MTA1: variants seen among roughly 807,000 people sequenced by gnomAD.
MTA1 encodes the protein metastasis associated 1.
MTA1 carries 15 observed loss-of-function variants against 97.0 expected under a neutral mutation model. That is an observed-to-expected ratio of 0.15 (90% CI 0.10 to 0.24). The LOEUF is 0.24. MTA1 is among the 10% of genes least tolerant of loss of function. MTA1 has a pLI of 1.00. For missense variants in MTA1, 709 were observed against 1,015.1 expected (o/e 0.70, Z 4.10); for synonymous variants, 435 against 417.5 (o/e 1.04, Z -0.51).
intron 18 of MTA1, 129 bp downstream of exon 18, chr14:105,466,871 A>T: frequency 2.2e-6 from 2 of 921,292 alleles, no homozygotes; most frequent in South Asian, 3.4e-5. Context: ...GCCAGGCCAC[A>T]GCCCAGTTCC....
rs111628172 is a variant in MTA1, at chr14:105,424,499, CT to C, written c.28+4446del. On this transcript the variant is annotated intron_variant, in intron 1 of 20. Transcript: ENST00000331320. The surrounding 1 kb of genome is among the most constrained non-coding windows in gnomAD (Gnocchi z 4.0). ...TACAGGCGTGAGCCACTGCGTCTGG[CT>C]TTTTTTTTTGTTTTTGAGACAGTCT... is the stretch of plus-strand genomic sequence containing the variant. Among the ~76,000 whole-genome samples the C allele has an allele frequency of 9.5e-5, 14 of 146,914 alleles. No homozygotes were observed. The highest frequency in any genetic ancestry group is 7.5e-5 in the Non-Finnish European group (5 of 66,296).
At position 105,470,139 on chromosome 14, in the gene MTA1, G is replaced by A. The variant is rs781956216; in HGVS notation, c.2072G>A (p.Arg691His). 14 of 1,611,852 alleles carry A rather than the reference G, an allele frequency of 8.7e-6. No homozygotes were observed. The highest frequency in any genetic ancestry group is 2.2e-5 in the South Asian group (2 of 91,058). ...ARRPYKPIAL[R>H]QSQALPPRPP... ...CGGCCCTACAAGCCCATCGCCCTGC[G>A]CCAGAGCCAGGCCCTGCCGCCGCGG... Residue 691 changes from arginine to histidine, a missense_variant, in exon 21 of 21, where the codon CGC (arginine) becomes CAC (histidine). Arg to His is a conservative substitution (Grantham distance 29). This residue lies in a region of MTA1 where 388 missense variants were observed against 421.6 expected (regional missense o/e 0.92). Coordinates refer to ENST00000331320, the MANE Select transcript of MTA1 (RefSeq NM_004689.4).
intron 3 of MTA1, among the ~76,000 whole-genome samples, chr14:105,447,103 C>T (rs1033756567): frequency 1.3e-5 from 2 of 152,206 alleles, no homozygotes; most frequent in South Asian, 2.1e-4. Flanking sequence ...GTCAGCAGCA[C>T]GGCTGGCGGT....
chr14:105,469,741 T>C, intron 19 of MTA1, 100 bp from the exon 20 acceptor site: 1 of 1,439,920 alleles, frequency 6.9e-7, no homozygotes, highest in South Asian at 1.3e-5. Context: ...ACTGGGGTGG[T>C]GGGGGGTTGG....
chr14:105,431,702 T>C (rs1218655356), intron 1 of MTA1, among the ~76,000 whole-genome samples: 2 of 152,136 alleles, frequency 1.3e-5, no homozygotes, highest in Non-Finnish European at 2.9e-5. Flanking sequence ...CTCGGCTCAC[T>C]ACAACCTCTG....
At chr14:105,450,420 T>C in intron 6 of MTA1, 96 bp downstream of exon 6, 20 of 1,330,420 alleles carry the variant, frequency 1.5e-5, no homozygotes, top group Non-Finnish European at 1.7e-5. Context: ...GAGACGATTT[T>C]CCCTCCTCCC....
In MTA1 at chr14:105,424,757, A is replaced by T. The variant is rs1436338134; in HGVS notation, c.28+4694A>T. 6.6e-6 allele frequency among the ~76,000 whole-genome samples: 1 copy of T among 152,148 alleles called. No homozygotes were observed. The highest frequency in any genetic ancestry group is 2.4e-5 in the African/African-American group (1 of 41,438). On this transcript the variant is annotated intron_variant, in intron 1 of 20. Coordinates refer to ENST00000331320, the MANE Select transcript of MTA1 (RefSeq NM_004689.4). The surrounding 1 kb of genome is among the most constrained non-coding windows in gnomAD (Gnocchi z 4.0). ...GTGATCCACCCGCCTCGGCCTCCCA[A>T]AGTGCTGGGATTACAGGCGTGAGCC...
At chr14:105,465,408 G>A (rs1042656798) in intron 16 of MTA1, 10 of 385,398 alleles carry the variant, frequency 2.6e-5, no homozygotes, top group Admixed American at 8.4e-5. Context: ...GGCCCAGTGC[G>A]GAGTAGCGGC....
At chr14:105,446,751 G>T (rs587743174) in intron 3 of MTA1, among the ~76,000 whole-genome samples, 1 of 152,362 alleles carries the variant, frequency 6.6e-6, no homozygotes, top group Non-Finnish European at 1.5e-5. Flanking sequence ...GACGTGAGCT[G>T]CCCTGGGTCA....
intron 1 of MTA1, among the ~76,000 whole-genome samples, chr14:105,431,560 A>G (rs1025270343): frequency 4.6e-5 from 7 of 152,260 alleles, no homozygotes; most frequent in African/African-American, 1.7e-4. Context: ...CAAAGTGCCA[A>G]AAGCCTATAG....
At chr14:105,446,148 C>G (rs2082711217) in intron 3 of MTA1, among the ~76,000 whole-genome samples, 1 of 152,174 alleles carries the variant, frequency 6.6e-6, no homozygotes, top group Non-Finnish European at 1.5e-5. Context: ...ACTTCAGAGC[C>G]AGGAGCCAGA....
intron 16 of MTA1, 186 bp downstream of exon 16, chr14:105,465,369 G>GCTGCTCC (rs2083529759): frequency 2.3e-6 from 1 of 432,528 alleles, no homozygotes; most frequent in African/African-American, 2.0e-5. Context: ...TGGGACCCAG[G>GCTGCTCC]CTGCTCCCTG....
At chr14:105,426,779 G>A (rs968329063) in intron 1 of MTA1, among the ~76,000 whole-genome samples, 55 of 152,348 alleles carry the variant, frequency 3.6e-4, no homozygotes, top group African/African-American at 1.3e-3. Flanking sequence ...GGCCGGGCGC[G>A]AGGCTTGCAG....
chr14:105,449,540 T>C, intron 4 of MTA1, 131 bp downstream of exon 4: 1 of 988,334 alleles, frequency 1.0e-6, no homozygotes, highest in Non-Finnish European at 1.5e-6. Flanking sequence ...CCGGCCCGGC[T>C]GAGGAGGGGC....
In MTA1 at chr14:105,450,045, C is replaced by T. The variant is rs782465930; in HGVS notation, c.242-13C>T. On this transcript the variant is annotated splice_polypyrimidine_tract_variant and intron_variant, in intron 4 of 20. Coordinates refer to ENST00000331320, the MANE Select transcript of MTA1 (RefSeq NM_004689.4). ...GTCTGCCGCGGTGCTGACAGGGGCT[C>T]CTTGTCCTTCAGGGGAAATAGAAGA... is the stretch of plus-strand genomic sequence containing the variant. 2.5e-6 allele frequency: 4 copies of T among 1,613,312 alleles called. No homozygotes were observed. Among genetic ancestry groups the T allele is most frequent in the African/African-American group, 1.3e-5 (1 of 74,900 alleles).
chr14:105,466,819 C>A (rs977949814), intron 18 of MTA1, 77 bp downstream of exon 18: 116 of 1,473,004 alleles, frequency 7.9e-5, no homozygotes, highest in Middle Eastern at 2.4e-4. Flanking sequence ...TGTGTCCCCG[C>A]GGCGGGCGGC....
At chr14:105,449,513 C>A in intron 4 of MTA1, 104 bp downstream of exon 4, 2 of 1,292,112 alleles carry the variant, frequency 1.5e-6, no homozygotes, top group Non-Finnish European at 1.1e-6. Flanking sequence ...GCCTGCATGC[C>A]TGTGCCCTGC....
At chr14:105,428,781 A>G (rs587765422) in intron 1 of MTA1, among the ~76,000 whole-genome samples, 3 of 150,442 alleles carry the variant, frequency 2.0e-5, no homozygotes, top group East Asian at 2.0e-4. Context: ...GTGCAGTGGT[A>G]TGATCTTGGC....
intron 6 of MTA1, among the ~76,000 whole-genome samples, chr14:105,451,791 T>TG (rs2082948288): frequency 3.5e-5 from 5 of 141,506 alleles, no homozygotes; most frequent in African/African-American, 1.3e-4. Flanking sequence ...TTGTTTTTTT[T>TG]TTTTTTTTTT....
Sources: gnomAD v4.1 joint callset for allele counts (sites outside exome capture counted in the v4.1 genomes callset) on GRCh38, gnomAD v4.1.1 for gene constraint, gnomAD v4.1.1 regional missense constraint, Gnocchi (gnomAD v3.1) non-coding constraint, MANE v1.5 for transcripts, NCBI Gene and HGNC (gene_info 2026-07-23, HGNC 2026-07-21) for gene names.